Variants in AGMO observed in about 807,000 individuals in gnomAD.
The protein encoded by AGMO is alkylglycerol monooxygenase, also known as glyceryl-ether monooxygenase.
A neutral mutation model predicts 60.2 loss-of-function variants in AGMO; 75 were observed. That is an observed-to-expected ratio of 1.25 (90% CI 1.03 to 1.51). AGMO has a LOEUF of 1.51. AGMO is among the 40% of genes most tolerant of loss of function. The pLI is 0.00. For synonymous variants in AGMO, 261 were observed against 177.1 expected (o/e 1.47, Z -3.76); for missense variants, 763 against 525.5 (o/e 1.45, Z -4.42).
intron 5 of AGMO, among the ~76,000 whole-genome samples, chr7:15,394,394 G>A (rs931282774): frequency 6.6e-6 from 1 of 152,144 alleles, no homozygotes; most frequent in African/African-American, 2.4e-5. Flanking sequence ...TGGTGAGTAT[G>A]GTGTCGTGGT....
At chr7:15,458,127 T>A (rs6461182) in intron 3 of AGMO, among the ~76,000 whole-genome samples, 117,897 of 152,002 alleles carry the variant, frequency 0.78, 46,643 homozygotes, top group Non-Finnish European at 0.84. Flanking sequence ...AAGAGCACCA[T>A]CTCTCCTTCA....
At chr7:15,464,977 G>C (rs1782239969) in intron 3 of AGMO, among the ~76,000 whole-genome samples, 1 of 152,156 alleles carries the variant, frequency 6.6e-6, no homozygotes, top group Non-Finnish European at 1.5e-5. Context: ...AGAAGTCAAT[G>C]ACTGCTCGAC....
intron 3 of AGMO, among the ~76,000 whole-genome samples, chr7:15,497,505 T>C (rs1783263849): frequency 6.6e-6 from 1 of 152,032 alleles, no homozygotes; most frequent in African/African-American, 2.4e-5. Context: ...AACTCCACAC[T>C]GGCTTTGAGA....
intron 4 of AGMO, among the ~76,000 whole-genome samples, chr7:15,426,535 G>A (rs772843692): frequency 6.6e-5 from 10 of 152,070 alleles, no homozygotes; most frequent in Non-Finnish European, 8.8e-5. Context: ...GATCACTTGA[G>A]GCCAGCAGTT....
At chr7:15,323,819 G>C (rs1781255337) in intron 12 of AGMO, among the ~76,000 whole-genome samples, 1 of 152,064 alleles carries the variant, frequency 6.6e-6, no homozygotes, top group Non-Finnish European at 1.5e-5. Context: ...TTTAAATTGT[G>C]AAATTATCAA....
chr7:15,354,463 T>TGTGTATATATAC (rs1563105774), intron 12 of AGMO, among the ~76,000 whole-genome samples: 1 of 20,286 alleles, frequency 4.9e-5, no homozygotes, highest in African/African-American at 3.3e-4. Flanking sequence ...TATACACACG[T>TGTGTATATATAC]GTGTGTATAC....
At chr7:15,345,445 A>G (rs1349628255) in intron 12 of AGMO, among the ~76,000 whole-genome samples, 1 of 152,190 alleles carries the variant, frequency 6.6e-6, no homozygotes, top group Non-Finnish European at 1.5e-5. Flanking sequence ...CACCTCAGGA[A>G]ATCTTATCAC....
intron 12 of AGMO, among the ~76,000 whole-genome samples, chr7:15,303,778 A>G (rs1007708494): frequency 3.3e-5 from 5 of 152,150 alleles, no homozygotes; most frequent in African/African-American, 1.2e-4. Flanking sequence ...GTTTGGTAGA[A>G]AAGAAAGATA....
At chr7:15,488,022 C>A (rs962844055) in intron 3 of AGMO, among the ~76,000 whole-genome samples, 3 of 152,004 alleles carry the variant, frequency 2.0e-5, no homozygotes, top group Admixed American at 2.0e-4. Context: ...AAATTTTCCC[C>A]GAGATCTGTT....
intron 3 of AGMO, among the ~76,000 whole-genome samples, chr7:15,517,643 T>G (rs1201144725): frequency 6.6e-6 from 1 of 152,016 alleles, no homozygotes; most frequent in Admixed American, 6.6e-5. Context: ...CCAGACGCTA[T>G]GCTTTTCCCA....
intron 5 of AGMO, among the ~76,000 whole-genome samples, chr7:15,405,753 C>T (rs1458185446): frequency 6.6e-6 from 1 of 151,776 alleles, no homozygotes; most frequent in Non-Finnish European, 1.5e-5. Context: ...GTCAGAGAGT[C>T]TAAGTAAGTT....
chr7:15,375,594 T>G (rs1783419946), intron 10 of AGMO, among the ~76,000 whole-genome samples: 1 of 151,882 alleles, frequency 6.6e-6, no homozygotes, highest in Non-Finnish European at 1.5e-5. Context: ...GCGGAGGTTC[T>G]CCACCTTGGC....
the AGMO span, among the ~76,000 whole-genome samples, chr7:15,179,673 T>C: frequency 6.6e-6 from 1 of 152,122 alleles, no homozygotes; most frequent in African/African-American, 2.4e-5. Flanking sequence ...CCTACTCTCA[T>C]GACTCCTCTA....
chr7:15,270,115 G>C (rs1188007967), intron 12 of AGMO, among the ~76,000 whole-genome samples: 2 of 151,930 alleles, frequency 1.3e-5, no homozygotes, highest in African/African-American at 4.8e-5. Context: ...CTTTTCCTGT[G>C]ACTAGATACC....
chr7:15,354,559 G>T (rs1345043602), intron 12 of AGMO, among the ~76,000 whole-genome samples: 2 of 117,632 alleles, frequency 1.7e-5, no homozygotes, highest in East Asian at 5.5e-4. Context: ...CATAGGACCT[G>T]CAACAGTAAA....
At chr7:15,152,354 TA>T in the AGMO span, among the ~76,000 whole-genome samples, 1 of 152,116 alleles carries the variant, frequency 6.6e-6, no homozygotes, top group African/African-American at 2.4e-5. Context: ...TTTTTGAATT[TA>T]TTTTTTATTT....
intron 3 of AGMO, among the ~76,000 whole-genome samples, chr7:15,453,641 A>G (rs1245544641): frequency 1.3e-5 from 2 of 152,216 alleles, no homozygotes; most frequent in Admixed American, 6.5e-5. Context: ...GGAAAATACC[A>G]AAGTCAGAAA....
At chr7:15,149,615 A>G in the AGMO span, among the ~76,000 whole-genome samples, 37 of 152,202 alleles carry the variant, frequency 2.4e-4, no homozygotes, top group Non-Finnish European at 3.8e-4. Flanking sequence ...CAAAGATCAG[A>G]TAGTTGTAAA....
At chr7:15,214,232 T>G (rs1162385292) in intron 12 of AGMO, among the ~76,000 whole-genome samples, 1 of 151,910 alleles carries the variant, frequency 6.6e-6, no homozygotes. Context: ...AAATCACACT[T>G]TGGGACACTA....
Sources: allele counts gnomAD v4.1 joint callset (sites outside exome capture counted in the v4.1 genomes callset), GRCh38; gene constraint gnomAD v4.1.1; transcripts MANE v1.5; gene names NCBI Gene and HGNC (gene_info 2026-07-23, HGNC 2026-07-21).